PLCB1: variants seen among roughly 807,000 people sequenced by gnomAD.
PLCB1 encodes the protein 1-phosphatidylinositol 4,5-bisphosphate phosphodiesterase beta-1.
PLCB1 carries 46 observed loss-of-function variants against 161.8 expected under a neutral mutation model. That is an observed-to-expected ratio of 0.28 (90% CI 0.22 to 0.36). The LOEUF (loss-of-function observed/expected upper bound fraction) is 0.36, where lower values mean the gene tolerates loss of function less well. Ranked by LOEUF, PLCB1 falls within the 10% of genes least tolerant of loss-of-function variation. PLCB1 has a pLI of 1.00. For missense variants in PLCB1, 1,016 were observed against 1,472.5 expected (o/e 0.69, Z 5.07); for synonymous variants, 517 against 503.7 (o/e 1.03, Z -0.35).
chr20:8,748,398 A>T (rs1981281582), intron 23 of PLCB1, among the ~76,000 whole-genome samples: 1 of 152,216 alleles, frequency 6.6e-6, no homozygotes, highest in African/African-American at 2.4e-5. Context: ...TTAAATATGT[A>T]TCAAGAAAAG....
intron 2 of PLCB1, among the ~76,000 whole-genome samples, chr20:8,303,309 A>T (rs1002998039): frequency 6.6e-6 from 1 of 152,212 alleles, no homozygotes; most frequent in Non-Finnish European, 1.5e-5. Flanking sequence ...ATTTGCCTTT[A>T]TGGCAAGTGT....
chr20:8,264,193 A>G (rs1230562271), intron 2 of PLCB1, among the ~76,000 whole-genome samples: 3 of 152,078 alleles, frequency 2.0e-5, no homozygotes, highest in Non-Finnish European at 4.4e-5. Context: ...ATGCAAACAC[A>G]CACATTAACC....
chr20:8,480,460 A>G (rs6140624), intron 3 of PLCB1, among the ~76,000 whole-genome samples: 1 of 152,172 alleles, frequency 6.6e-6, no homozygotes, highest in Non-Finnish European at 1.5e-5. Flanking sequence ...TGAGAAAGGC[A>G]TATTTATACC....
intron 31 of PLCB1, among the ~76,000 whole-genome samples, chr20:8,822,571 G>A (rs1423934706): frequency 2.0e-5 from 3 of 152,156 alleles, no homozygotes; most frequent in African/African-American, 7.2e-5. Context: ...GACTATCAGA[G>A]GTAAGGGGAG....
chr20:8,302,275 A>G (rs1011647119), intron 2 of PLCB1, among the ~76,000 whole-genome samples: 2 of 152,250 alleles, frequency 1.3e-5, no homozygotes, highest in Admixed American at 6.5e-5. Context: ...TGTCAAGAAA[A>G]GTAATGAAGG....
rs140894578 is a variant in PLCB1, at chr20:8,543,472, G to T, written c.247-84822G>T. 1.7e-3 allele frequency among the ~76,000 whole-genome samples: 264 copies of T among 152,150 alleles called. 1 individual carries two copies. Among genetic ancestry groups the T allele is most frequent in the African/African-American group, 6.2e-3 (256 of 41,516 alleles). ...TGGCAACAGGGGATAGGCCACAAAA[G>T]GGCACAAGAAACTTTTAAGGGTAAT... On this transcript the variant is annotated intron_variant, in intron 3 of 31. Coordinates refer to ENST00000338037, the MANE Select transcript of PLCB1 (RefSeq NM_015192.4).
At chr20:8,186,616 A>G (rs919604706) in intron 2 of PLCB1, among the ~76,000 whole-genome samples, 3 of 152,196 alleles carry the variant, frequency 2.0e-5, no homozygotes, top group East Asian at 1.9e-4. Context: ...AAAAGGAGGA[A>G]CATCATCTAG....
At position 8,628,443 on chromosome 20, in the gene PLCB1, G is replaced by A. The variant is rs1201874943; in HGVS notation, c.384+12G>A. On this transcript the variant is annotated intron_variant, in intron 4 of 31. Transcript: ENST00000338037. ...AAGAAGTGGCCAAGGTATGGTGGAT[G>A]GAAATTGCTAAAGCTTATCATCATG... 1 of 1,613,668 alleles carries A rather than the reference G, an allele frequency of 6.2e-7. No individual in the cohort carries two copies. Among genetic ancestry groups the A allele is most frequent in the South Asian group, 1.1e-5 (1 of 91,044 alleles).
rs530475535 is a variant in PLCB1, at chr20:8,490,174, G to T, written c.246+118724G>T. ...ATCCTTCATATCCCAACACTGTGAG[G>T]CTTGAGCACGTGCTTTGCTTTGAAC... On this transcript the variant is annotated intron_variant, in intron 3 of 31. Transcript: ENST00000338037. Among the ~76,000 whole-genome samples the T allele has an allele frequency of 2.6e-5, 4 of 152,208 alleles. No homozygotes were observed. In the South Asian group the frequency reaches 8.3e-4, roughly 32 times the overall value.
intron 19 of PLCB1, 84 bp downstream of exon 19, chr20:8,733,476 A>C (rs1040922253): frequency 6.8e-5 from 79 of 1,159,240 alleles, no homozygotes; most frequent in Non-Finnish European, 8.9e-5. Flanking sequence ...TAGTCATTAA[A>C]AATTTAGTAA....
At chr20:8,684,166 G>C (rs533921400) in intron 9 of PLCB1, among the ~76,000 whole-genome samples, 119 of 151,322 alleles carry the variant, frequency 7.9e-4, no homozygotes, top group Non-Finnish European at 1.5e-3. Context: ...TTACAGGCGT[G>C]AGCCACCGCG....
At chr20:8,308,917 T>G (rs1228434329) in intron 2 of PLCB1, among the ~76,000 whole-genome samples, 1 of 151,988 alleles carries the variant, frequency 6.6e-6, no homozygotes, top group African/African-American at 2.4e-5. Flanking sequence ...GACTCATAGA[T>G]TTTTTTCTTT....
chr20:8,793,448 G>A (rs988245906), intron 31 of PLCB1, among the ~76,000 whole-genome samples: 13 of 151,934 alleles, frequency 8.6e-5, no homozygotes, highest in African/African-American at 1.9e-4. Flanking sequence ...CCTAAGCATC[G>A]GCTGGCTTGA....
At chr20:8,711,123 GCT>G in intron 12 of PLCB1, among the ~76,000 whole-genome samples, 1 of 152,284 alleles carries the variant, frequency 6.6e-6, no homozygotes, top group Non-Finnish European at 1.5e-5. Flanking sequence ...TGAATAACTT[GCT>G]CAAGGCCATG....
chr20:8,619,437 AAAAAAG>A (rs1236984548), intron 3 of PLCB1, among the ~76,000 whole-genome samples: 1 of 152,070 alleles, frequency 6.6e-6, no homozygotes, highest in African/African-American at 2.4e-5. Flanking sequence ...AAAAAAAAGA[AAAAAAG>A]AAAAAGATAA....
chr20:8,533,875 C>A (rs1312324545), intron 3 of PLCB1, among the ~76,000 whole-genome samples: 2 of 152,084 alleles, frequency 1.3e-5, no homozygotes, highest in African/African-American at 4.8e-5. Context: ...TTAATTAGAT[C>A]CGATTTGTCA....
At position 8,585,401 on chromosome 20, in the gene PLCB1, G is replaced by T. The variant is rs547655590; in HGVS notation, c.247-42893G>T. 3.9e-5 allele frequency among the ~76,000 whole-genome samples: 6 copies of T among 152,264 alleles called. No individual in the cohort carries two copies. In the South Asian group the frequency reaches 1.2e-3, roughly 32 times the overall value. On this transcript the variant is annotated intron_variant, in intron 3 of 31. Transcript: ENST00000338037. Reference sequence around the variant, plus strand: ...ACAGCTCAGAAGAGGTCACAGTTTGGCTCAGACTTCTTGAATAGCTTCTAG... The same window carrying T: ...ACAGCTCAGAAGAGGTCACAGTTTGTCTCAGACTTCTTGAATAGCTTCTAG...
intron 2 of PLCB1, among the ~76,000 whole-genome samples, chr20:8,297,181 A>G (rs1181601607): frequency 6.6e-6 from 1 of 152,152 alleles, no homozygotes; most frequent in East Asian, 1.9e-4. Context: ...GCATGTATAC[A>G]TGCATGTATA....
chr20:8,244,711 GC>G (rs1439318475), intron 2 of PLCB1, among the ~76,000 whole-genome samples: 2 of 151,838 alleles, frequency 1.3e-5, no homozygotes, highest in Non-Finnish European at 2.9e-5. Flanking sequence ...CCATGTATAT[GC>G]TATACCGCAG....
Sources: gnomAD v4.1 joint callset for allele counts (sites outside exome capture counted in the v4.1 genomes callset) on GRCh38, gnomAD v4.1.1 for gene constraint, MANE v1.5 for transcripts, NCBI Gene and HGNC (gene_info 2026-07-23, HGNC 2026-07-21) for gene names.